Variants in ATF1 observed in about 807,000 individuals in gnomAD.
ATF1 encodes the protein activating transcription factor 1.
Under a neutral mutation model 34.7 loss-of-function variants are expected in ATF1, and 16 were observed. That is an observed-to-expected ratio of 0.46 (90% CI 0.31 to 0.70). ATF1 has a LOEUF of 0.70. Among genes scored for constraint, ATF1 ranks in the 30% least tolerant of loss-of-function variants. The pLI is 0.05. For missense variants in ATF1, 255 were observed against 321.6 expected (o/e 0.79, Z 1.58); for synonymous variants, 105 against 113.1 (o/e 0.93, Z 0.46).
chr12:50,799,877 T>C (rs1941480522), intron 3 of ATF1, among the ~76,000 whole-genome samples: 1 of 152,180 alleles, frequency 6.6e-6, no homozygotes, highest in Non-Finnish European at 1.5e-5. Context: ...TAATTAAAGA[T>C]CTAAGATTTA....
intron 1 of ATF1, among the ~76,000 whole-genome samples, chr12:50,766,204 G>C (rs567668924): frequency 2.0e-4 from 30 of 152,234 alleles, no homozygotes; most frequent in African/African-American, 6.0e-4. Context: ...ACTATACTGC[G>C]GAAACCCAGT....
intron 2 of ATF1, among the ~76,000 whole-genome samples, chr12:50,782,061 G>A (rs906485722): frequency 1.5e-4 from 23 of 152,092 alleles, no homozygotes; most frequent in Non-Finnish European, 3.1e-4. Flanking sequence ...GCTGAGTTTT[G>A]CTGCTGTATC....
intron 3 of ATF1, among the ~76,000 whole-genome samples, chr12:50,805,786 T>G (rs1189564236): frequency 1.3e-5 from 2 of 152,114 alleles, no homozygotes; most frequent in African/African-American, 4.8e-5. Flanking sequence ...CAGGTCTTGC[T>G]CTTAAGTCAG....
At chr12:50,809,310 G>A in intron 3 of ATF1, 146 bp from the exon 4 acceptor site, 1 of 654,424 alleles carries the variant, frequency 1.5e-6, no homozygotes, top group Non-Finnish European at 2.5e-6. Flanking sequence ...GGAAGCAGAG[G>A]TTGCAGTGAG....
chr12:50,809,870 G>C (rs1055905544), intron 4 of ATF1, among the ~76,000 whole-genome samples: 1 of 152,176 alleles, frequency 6.6e-6, no homozygotes, highest in Non-Finnish European at 1.5e-5. Flanking sequence ...TCTCGCTCTT[G>C]TTGCCCAGGC....
In ATF1 at chr12:50,814,074, T is replaced by G. The variant is rs1289549042; in HGVS notation, c.393T>G (p.Leu131=). 1 of 1,614,184 alleles carries G rather than the reference T, an allele frequency of 6.2e-7. No individual in the cohort carries two copies. Among genetic ancestry groups the G allele is most frequent in the Non-Finnish European group, 8.5e-7 (1 of 1,180,036 alleles). The stretch of plus-strand genomic sequence containing the variant: ...CAGGCACAGATGGAGTACAGGGACT[T>G]CAGACATTAACCATGACAAATTCAG... The part of the protein sequence containing the change: ...ASPGTDGVQG[L]QTLTMTNSGS... The change falls in exon 5 of 7, where the codon CTT becomes CTG. Residue 131 remains leucine, a synonymous_variant. Transcript: ENST00000262053.
intron 3 of ATF1, among the ~76,000 whole-genome samples, chr12:50,803,793 A>G (rs79902896): frequency 3.3e-5 from 5 of 152,222 alleles, no homozygotes; most frequent in Non-Finnish European, 7.3e-5. Context: ...GTGCTAATAC[A>G]TGCTACAACA....
intron 3 of ATF1, among the ~76,000 whole-genome samples, chr12:50,808,218 T>C (rs776560764): frequency 6.7e-4 from 102 of 152,366 alleles, no homozygotes; most frequent in Non-Finnish European, 1.4e-3. Flanking sequence ...TGGGATCATA[T>C]TTACCTCTTT....
Position 50,764,224 on chromosome 12 carries a change from G to C in ATF1, c.-90G>C, listed in dbSNP as rs1219417120. On this transcript the variant is annotated 5_prime_UTR_variant, in exon 1 of 7. Coordinates refer to ENST00000262053, the MANE Select transcript of ATF1 (RefSeq NM_005171.5). The stretch of plus-strand genomic sequence containing the variant: ...TTGTCCCCCGCTGCGTGAGGGGGTG[G>C]GGAAGTGGGTAGTGAATTCGGATCT... The C allele has an allele frequency of 3.3e-5, 5 of 152,112 alleles. No individual in the cohort carries two copies. Among genetic ancestry groups the C allele is most frequent in the Admixed American group, 2.6e-4 (4 of 15,300 alleles). 9.4% of individuals were successfully genotyped at this position (152,112 alleles called of 1,614,324 possible). A position where few individuals can be genotyped will look rare whatever the true frequency, so the allele number is the denominator to read the frequency against.
chr12:50,807,090 A>G (rs1051565486), intron 3 of ATF1, among the ~76,000 whole-genome samples: 6 of 152,266 alleles, frequency 3.9e-5, no homozygotes, highest in African/African-American at 1.2e-4. Context: ...AAATATCGCA[A>G]AGTAGGGCAT....
intron 1 of ATF1, among the ~76,000 whole-genome samples, chr12:50,769,648 T>C (rs1940724091): frequency 6.6e-6 from 1 of 152,222 alleles, no homozygotes; most frequent in Admixed American, 6.5e-5. Flanking sequence ...TATGATTTAG[T>C]GTATGTTATT....
rs749774465 is a variant in ATF1, at chr12:50,776,144, T to C, written c.-6-3996T>C. Among the ~76,000 whole-genome samples the C allele has an allele frequency of 4.3e-4, 65 of 151,076 alleles. 1 individual carries two copies. Among genetic ancestry groups the C allele is most frequent in the Non-Finnish European group, 7.1e-4 (48 of 67,694 alleles). Reference sequence around the variant, plus strand: ...TGGCTAACACAGTGAAACCCCGTCTTTACTAAAAATACAAAAAATTAGCTG... The same window carrying C: ...TGGCTAACACAGTGAAACCCCGTCTCTACTAAAAATACAAAAAATTAGCTG... On this transcript the variant is annotated intron_variant, in intron 1 of 6. Transcript: ENST00000262053.
At chr12:50,764,100 C>T (rs1418633934), upstream of ATF1, 1 of 148,030 alleles carries the variant, frequency 6.8e-6, no homozygotes, top group Non-Finnish European at 1.5e-5. Context: ...ATCATGCCGC[C>T]AGTAGCGGCC....
chr12:50,764,817 C>T (rs1484429401), intron 1 of ATF1, among the ~76,000 whole-genome samples: 1 of 152,246 alleles, frequency 6.6e-6, no homozygotes, highest in Non-Finnish European at 1.5e-5. Context: ...TGCAGTCTAG[C>T]GGGCAACCGA....
At chr12:50,776,613 A>AT (rs1040393713) in intron 1 of ATF1, among the ~76,000 whole-genome samples, 2 of 151,954 alleles carry the variant, frequency 1.3e-5, no homozygotes, top group African/African-American at 2.4e-5. Flanking sequence ...AACAATGTAT[A>AT]TTTTTTACCT....
chr12:50,768,903 A>G (rs1482199762), intron 1 of ATF1, among the ~76,000 whole-genome samples: 7 of 152,200 alleles, frequency 4.6e-5, no homozygotes, highest in Admixed American at 2.0e-4. Flanking sequence ...GATTCTAGAT[A>G]AGGCCTGGGG....
At chr12:50,766,459 C>T (rs888183303) in intron 1 of ATF1, among the ~76,000 whole-genome samples, 1 of 151,850 alleles carries the variant, frequency 6.6e-6, no homozygotes, top group Non-Finnish European at 1.5e-5. Flanking sequence ...CAGAGTTAGG[C>T]ATGAACAGGA....
chr12:50,791,919 T>A (rs1941310005), intron 2 of ATF1, among the ~76,000 whole-genome samples: 1 of 152,142 alleles, frequency 6.6e-6, no homozygotes, highest in Admixed American at 6.5e-5. Flanking sequence ...GAAATATATA[T>A]ATATATTTTT....
At chr12:50,813,387 C>G (rs1365800780) in intron 4 of ATF1, among the ~76,000 whole-genome samples, 1 of 152,070 alleles carries the variant, frequency 6.6e-6, no homozygotes, top group Non-Finnish European at 1.5e-5. Flanking sequence ...ATTATATAAC[C>G]TTTTATTCTA....
Sources: allele counts gnomAD v4.1 joint callset (sites outside exome capture counted in the v4.1 genomes callset), GRCh38; gene constraint gnomAD v4.1.1; transcripts MANE v1.5; gene names NCBI Gene and HGNC (gene_info 2026-07-23, HGNC 2026-07-21).